BRINP1: variants seen among roughly 807,000 people sequenced by gnomAD.
BRINP1 encodes the protein BMP/retinoic acid-inducible neural-specific protein 1.
A neutral mutation model predicts 72.9 loss-of-function variants in BRINP1; 17 were observed. The ratio of observed to expected loss-of-function variants is 0.23; its 90% confidence interval spans 0.16 to 0.35. BRINP1 has a LOEUF of 0.35. BRINP1 is among the 10% of genes least tolerant of loss of function. BRINP1 has a pLI of 1.00. For missense variants in BRINP1, 850 were observed against 1,001.6 expected, an observed-to-expected ratio of 0.85 and a Z score of 2.04; for synonymous variants, 418 against 378.5, an observed-to-expected ratio of 1.10 and a Z score of -1.21.
Position 119,212,840 on chromosome 9 carries a change from A to G in BRINP1, c.922+1079T>C, listed in dbSNP as rs548061631. On this transcript the variant is annotated intron_variant, in intron 6 of 7. Transcript: ENST00000265922. ...CTTTCCAAATCTTTCAGGGTGTTCT[A>G]GCTCAATGAAAGATATCAACATCTA... Among the ~76,000 whole-genome samples, 8 of 152,328 alleles carry G rather than the reference A, an allele frequency of 5.3e-5. No individual in the cohort carries two copies. The South Asian group carries it at 1.2e-3, about 24-fold the overall frequency.
At chr9:119,353,658 C>G (rs527657522) in intron 1 of BRINP1, among the ~76,000 whole-genome samples, 56 of 152,190 alleles carry the variant, frequency 3.7e-4, no homozygotes, top group African/African-American at 1.3e-3. Context: ...TTTATTTTCT[C>G]AATCAATACC....
chr9:119,354,868 C>T (rs567235751), intron 1 of BRINP1, among the ~76,000 whole-genome samples: 1 of 152,072 alleles, frequency 6.6e-6, no homozygotes, highest in African/African-American at 2.4e-5. Flanking sequence ...GACCCTGTCT[C>T]AGAGAAAAAA....
At chr9:119,367,453 T>C (rs1251692336) in intron 1 of BRINP1, among the ~76,000 whole-genome samples, 1 of 151,788 alleles carries the variant, frequency 6.6e-6, no homozygotes, top group Non-Finnish European at 1.5e-5. Flanking sequence ...CTGGAAGCCA[T>C]GCTAACAGCA....
intron 1 of BRINP1, among the ~76,000 whole-genome samples, chr9:119,318,844 G>GGGGGTGTGTGT (rs111313745): frequency 1.8e-4 from 25 of 142,236 alleles, no homozygotes; most frequent in Non-Finnish European, 2.8e-4. Context: ...AAATGTGTGG[G>GGGGGTGTGTGT]GTGTGTGTGT....
chr9:119,205,814 G>A (rs980468657), intron 7 of BRINP1, among the ~76,000 whole-genome samples: 3 of 152,158 alleles, frequency 2.0e-5, no homozygotes, highest in Admixed American at 1.3e-4. Context: ...GACAATCACC[G>A]TAACTGAAAG....
In BRINP1 at chr9:119,282,133, G is replaced by T. The variant is rs569611862; in HGVS notation, c.218+31005C>A. On this transcript the variant is annotated intron_variant, in intron 2 of 7. Transcript: ENST00000265922. ...GTTGATTTCTCCTCACCCTCTGAGGGTTTGAATAGTTTTGACAAGGCCCTT... is the reference window on the plus strand; with the variant it reads ...GTTGATTTCTCCTCACCCTCTGAGGTTTTGAATAGTTTTGACAAGGCCCTT... 1.6e-3 allele frequency among the ~76,000 whole-genome samples: 239 copies of T among 152,160 alleles called. 2 individuals carry two copies. The highest frequency in any genetic ancestry group is 2.2e-3 in the Non-Finnish European group (151 of 68,034).
intron 3 of BRINP1, among the ~76,000 whole-genome samples, chr9:119,243,229 G>A (rs1830276387): frequency 6.6e-6 from 1 of 152,010 alleles, no homozygotes. Context: ...CCCTCTGACA[G>A]GACCCAGTGT....
At chr9:119,186,739 G>A (rs1240526323) in intron 7 of BRINP1, among the ~76,000 whole-genome samples, 1 of 152,156 alleles carries the variant, frequency 6.6e-6, no homozygotes, top group East Asian at 1.9e-4. Context: ...ACGACTGAGA[G>A]GCCCTACCTC....
chr9:119,216,759 C>A (rs1829982044), intron 5 of BRINP1, among the ~76,000 whole-genome samples: 1 of 152,124 alleles, frequency 6.6e-6, no homozygotes, highest in Admixed American at 6.5e-5. Flanking sequence ...ATATTCTATT[C>A]TTGGTCCCAG....
At chr9:119,238,544 G>A (rs1264500516) in intron 5 of BRINP1, 111 bp downstream of exon 5, 1 of 605,716 alleles carries the variant, frequency 1.7e-6, no homozygotes, top group African/African-American at 1.9e-5. Context: ...GATTTTCTAT[G>A]CTTCCTCTTC....
chr9:119,276,052 T>A (rs1165003192), intron 2 of BRINP1, among the ~76,000 whole-genome samples: 1 of 152,194 alleles, frequency 6.6e-6, no homozygotes. Flanking sequence ...TGTTATCTTT[T>A]CTTCTTCATT....
chr9:119,215,328 A>G (rs1325240343), intron 5 of BRINP1, among the ~76,000 whole-genome samples: 2 of 152,204 alleles, frequency 1.3e-5, no homozygotes, highest in African/African-American at 4.8e-5. Context: ...GTACCTATGA[A>G]AAGTCAGCAG....
rs1453440054 is a variant in BRINP1, at chr9:119,167,962, G to A, written c.1408C>T (p.Arg470Trp). 3.1e-6 allele frequency: 5 copies of A among 1,614,228 alleles called. No homozygotes were observed. The highest frequency in any genetic ancestry group is 2.2e-5 in the East Asian group (1 of 44,868). ...RCEPQNVDSE[R>W]SEQFISFETD... Reference sequence around the variant, plus strand: ...TCAAAGCTGATGAACTGCTCGCTCCGCTCCGAGTCCACGTTCTGTGGTTCA... The same window carrying A: ...TCAAAGCTGATGAACTGCTCGCTCCACTCCGAGTCCACGTTCTGTGGTTCA... Residue 470 changes from arginine to tryptophan, a missense_variant, in exon 8 of 8, where the codon CGG becomes TGG. Coordinates refer to ENST00000265922, the MANE Select transcript of BRINP1 (RefSeq NM_014618.3). This position sits in a 1 kb window ranked among gnomAD's most constrained non-coding sequence, Gnocchi z 4.3.
At chr9:119,313,993 T>C (rs1488038905) in intron 1 of BRINP1, among the ~76,000 whole-genome samples, 2 of 152,166 alleles carry the variant, frequency 1.3e-5, no homozygotes, top group African/African-American at 4.8e-5. Context: ...ATGCACAAAG[T>C]CTTGTGATGG....
rs41273915 is a variant in BRINP1, at chr9:119,238,776, A to G, written c.580-16T>C. 0.017 allele frequency: 26,010 copies of G among 1,522,678 alleles called. 294 individuals carry two copies. The highest frequency in any genetic ancestry group is 0.02 in the Non-Finnish European group (21,676 of 1,102,922). 94.3% of individuals were successfully genotyped at this position (1,522,678 alleles called of 1,614,324 possible). On this transcript the variant is annotated splice_polypyrimidine_tract_variant and intron_variant, in intron 4 of 7. Transcript: ENST00000265922. ...TCTCTGTGACCTGCAGTAGATATCA[A>G]ATAAGATAGGTGTGAGACAGCAGTC...
chr9:119,316,038 A>G (rs940007272), intron 1 of BRINP1, among the ~76,000 whole-genome samples: 1 of 152,216 alleles, frequency 6.6e-6, no homozygotes, highest in Non-Finnish European at 1.5e-5. Context: ...CAAGTTATCC[A>G]GAAGATCGAG....
At chr9:119,202,686 G>A (rs1407213505) in intron 7 of BRINP1, among the ~76,000 whole-genome samples, 2 of 152,022 alleles carry the variant, frequency 1.3e-5, no homozygotes, top group African/African-American at 2.4e-5. Context: ...GCTCTCCTGC[G>A]GGCTAACAGA....
chr9:119,227,305 C>T (rs866833059), intron 5 of BRINP1, among the ~76,000 whole-genome samples: 12 of 152,084 alleles, frequency 7.9e-5, no homozygotes, highest in East Asian at 1.9e-4. Context: ...CTCATTCTAT[C>T]CGATTTCTAA....
intron 4 of BRINP1, among the ~76,000 whole-genome samples, chr9:119,239,825 T>C (rs968192400): frequency 2.0e-5 from 3 of 152,184 alleles, no homozygotes; most frequent in African/African-American, 7.2e-5. Flanking sequence ...ATTTTTCGTT[T>C]TGTTTTACAA....
Sources: allele counts gnomAD v4.1 joint callset (sites outside exome capture counted in the v4.1 genomes callset), GRCh38; gene constraint gnomAD v4.1.1; non-coding constraint Gnocchi (gnomAD v3.1); transcripts MANE v1.5; gene names NCBI Gene and HGNC (gene_info 2026-07-23, HGNC 2026-07-21).